LAMP5: variants seen among roughly 807,000 people sequenced by gnomAD.
LAMP5 encodes the protein lysosome associated membrane protein 5.
LAMP5 carries 36 observed loss-of-function variants against 30.2 expected under a neutral mutation model. The ratio of observed to expected loss-of-function variants is 1.19; its 90% CI spans 0.91 to 1.57. The LOEUF is 1.57. LAMP5 is among the 40% of genes most tolerant of loss of function. The pLI, the probability that LAMP5 is intolerant of heterozygous loss-of-function variation, is 0.00. For missense variants in LAMP5, 377 were observed against 354.9 expected (o/e 1.06, Z -0.50); for synonymous variants, 149 against 134.6 (o/e 1.11, Z -0.74).
chr20:9,516,081 C>T lies in LAMP5; in HGVS notation c.319C>T (p.Gln107Ter). Residue 107 changes from glutamine to a stop codon, truncating the protein, a stop_gained, in exon 3 of 6, where the codon CAA becomes TAA. Transcript: ENST00000246070. LOFTEE classifies it high-confidence loss of function. The part of the protein sequence containing the change: ...GRCGHSQSEL[Q>*]VFWVDRAYAL... ...CTGTGGCCACAGCCAGTCGGAGCTG[C>T]AAGTGTTCTGGGTGGATCGCGCATA... is the stretch of plus-strand genomic sequence containing the variant. The T allele has an allele frequency of 6.5e-7, 1 of 1,549,220 alleles. No homozygotes were observed. Among genetic ancestry groups the T allele is most frequent in the Admixed American group, 2.1e-5 (1 of 46,958 alleles).
chr20:9,518,440 T>A (rs2122833649), intron 5 of LAMP5, among the ~76,000 whole-genome samples: 1 of 152,324 alleles, frequency 6.6e-6, no homozygotes, highest in East Asian at 1.9e-4. Flanking sequence ...CCTCCCAGCC[T>A]CCTCCCCGTT....
At chr20:9,529,620 C>T in intron 5 of LAMP5, 22 bp from the exon 6 acceptor site, 1 of 1,608,894 alleles carries the variant, frequency 6.2e-7, no homozygotes, top group Non-Finnish European at 8.5e-7. Flanking sequence ...GAGCTCTCTG[C>T]TTTTCTTCTT....
chr20:9,521,952 TAACAAAACAA>T (rs955438605), intron 5 of LAMP5, among the ~76,000 whole-genome samples: 4 of 152,038 alleles, frequency 2.6e-5, no homozygotes, highest in African/African-American at 9.7e-5. Flanking sequence ...GGGGCAAACA[TAACAAAACAA>T]AACAAAACAA....
chr20:9,516,553 C>T (rs1340293881), intron 4 of LAMP5, among the ~76,000 whole-genome samples, 192 bp downstream of exon 4: 1 of 152,098 alleles, frequency 6.6e-6, no homozygotes, highest in Non-Finnish European at 1.5e-5. Flanking sequence ...CCTTGTAGAT[C>T]CGCCAGGAAC....
intron 5 of LAMP5, among the ~76,000 whole-genome samples, chr20:9,518,446 C>T (rs143757988): frequency 1.8e-4 from 28 of 152,334 alleles, no homozygotes; most frequent in African/African-American, 6.7e-4. Flanking sequence ...AGCCTCCTCC[C>T]CGTTTACCTT....
At chr20:9,520,800 C>T (rs1270428848) in intron 5 of LAMP5, among the ~76,000 whole-genome samples, 1 of 152,128 alleles carries the variant, frequency 6.6e-6, no homozygotes. Context: ...GAGAGCAGCC[C>T]AAATGGAGGT....
chr20:9,517,602 A>G (rs2045050144), intron 4 of LAMP5, among the ~76,000 whole-genome samples: 1 of 112,810 alleles, frequency 8.9e-6, no homozygotes, highest in East Asian at 2.4e-4. Flanking sequence ...TCACCATGCC[A>G]GACTAATTTT....
Position 9,515,516 on chromosome 20 carries a change from C to G in LAMP5, c.128C>G (p.Pro43Arg). ...VENLSGLSTN[P>R]EKDIFVVREN... ...AATCTCTCAGGCCTTTCCACTAACC[C>G]TGAAAAAGATATATTTGTGGTGCGG... Residue 43 changes from proline to arginine, a missense_variant, in exon 2 of 6, where the codon CCT becomes CGT. Transcript: ENST00000246070. 2 of 1,614,146 alleles carry G rather than the reference C, an allele frequency of 1.2e-6. No homozygotes were observed. Among genetic ancestry groups the G allele is most frequent in the Non-Finnish European group, 1.7e-6 (2 of 1,180,030 alleles).
intron 5 of LAMP5, among the ~76,000 whole-genome samples, chr20:9,519,353 C>T (rs902276809): frequency 6.6e-6 from 1 of 152,186 alleles, no homozygotes; most frequent in African/African-American, 2.4e-5. Context: ...TTTTCCAAGG[C>T]ATCTAGCTTT....
chr20:9,520,932 T>C (rs1906552211), intron 5 of LAMP5, among the ~76,000 whole-genome samples: 1 of 149,020 alleles, frequency 6.7e-6, no homozygotes, highest in South Asian at 2.1e-4. Flanking sequence ...GTGCAATGAC[T>C]GTGGTGATAT....
chr20:9,528,848 AT>A (rs1363999605), intron 5 of LAMP5, among the ~76,000 whole-genome samples: 1 of 152,208 alleles, frequency 6.6e-6, no homozygotes, highest in African/African-American at 2.4e-5. Context: ...ATCATACAGT[AT>A]GTATACACTC....
Position 9,514,803 on chromosome 20 carries a change from C to G in LAMP5, c.-50C>G. 1.9e-6 allele frequency: 3 copies of G among 1,580,538 alleles called. No individual in the cohort carries two copies. Among genetic ancestry groups the G allele is most frequent in the Non-Finnish European group, 2.6e-6 (3 of 1,150,502 alleles). ...GCGGCGACTTTGAGGGATTCCCTCT[C>G]TGGCGGCCTCTGCAGCAGCACAGCC... On this transcript the variant is annotated 5_prime_UTR_variant, in exon 1 of 6. Coordinates refer to ENST00000246070, the MANE Select transcript of LAMP5 (RefSeq NM_012261.4).
At chr20:9,528,691 C>A (rs2045130578) in intron 5 of LAMP5, among the ~76,000 whole-genome samples, 1 of 152,040 alleles carries the variant, frequency 6.6e-6, no homozygotes, top group Non-Finnish European at 1.5e-5. Flanking sequence ...ATATTTGCAA[C>A]CATGTAAACA....
intron 5 of LAMP5, among the ~76,000 whole-genome samples, chr20:9,527,505 G>C (rs976759260): frequency 2.6e-5 from 4 of 152,152 alleles, no homozygotes; most frequent in Non-Finnish European, 2.9e-5. Context: ...CTGATCTCAG[G>C]CAAGGTGAGA....
At chr20:9,515,399 C>G in intron 1 of LAMP5, 54 bp from the exon 2 acceptor site, 1 of 1,549,024 alleles carries the variant, frequency 6.5e-7, no homozygotes, top group Non-Finnish European at 8.8e-7. Flanking sequence ...CCCTAGCGCC[C>G]GAGACGCGTG....
intron 1 of LAMP5, 138 bp from the exon 2 acceptor site, chr20:9,515,314 GA>G: frequency 1.4e-6 from 1 of 691,956 alleles, no homozygotes; most frequent in Non-Finnish European, 2.4e-6. Context: ...CCGGGTTAGA[GA>G]AACGGCTCGT....
chr20:9,514,756 T>G lies in LAMP5; in HGVS notation c.-97T>G. On this transcript the variant is annotated 5_prime_UTR_variant, in exon 1 of 6. Coordinates refer to ENST00000246070, the MANE Select transcript of LAMP5 (RefSeq NM_012261.4). ...CTCCCCCTTCTCTGTCCCCCGCCTC[T>G]CGCTCACCCCGGCCCACTCCAGCGG... 1 of 1,071,844 alleles carries G rather than the reference T, an allele frequency of 9.3e-7. No homozygotes were observed. Among genetic ancestry groups the G allele is most frequent in the Non-Finnish European group, 1.4e-6 (1 of 708,106 alleles). The allele number at this position is 1,071,844 out of a possible 1,614,324, so 66.4% of individuals were successfully genotyped here. A position where few individuals can be genotyped will look rare whatever the true frequency, so the allele number is the denominator to read the frequency against.
Position 9,518,243 on chromosome 20 carries a change from G to A in LAMP5, c.664+15G>A, listed in dbSNP as rs780045315. On this transcript the variant is annotated intron_variant, in intron 5 of 5. Coordinates refer to ENST00000246070, the MANE Select transcript of LAMP5 (RefSeq NM_012261.4). ...CTTCAGTGAAGGTAAGTTGTTGGGG[G>A]ATGGAGGGGAAGAAGACCTAGTTTA... is the stretch of plus-strand genomic sequence containing the variant. 9 of 1,611,934 alleles carry A rather than the reference G, an allele frequency of 5.6e-6. No homozygotes were observed. The highest frequency in any genetic ancestry group is 1.3e-5 in the African/African-American group (1 of 74,890).
At chr20:9,519,836 C>G (rs2045067817) in intron 5 of LAMP5, among the ~76,000 whole-genome samples, 1 of 152,180 alleles carries the variant, frequency 6.6e-6, no homozygotes, top group Non-Finnish European at 1.5e-5. Context: ...CTTCTTGTTA[C>G]CACTGGTGCT....
Sources: gnomAD v4.1 joint callset for allele counts (sites outside exome capture counted in the v4.1 genomes callset) on GRCh38, gnomAD v4.1.1 for gene constraint, MANE v1.5 for transcripts, NCBI Gene and HGNC (gene_info 2026-07-23, HGNC 2026-07-21) for gene names.